CNTN5: variants seen among roughly 807,000 people sequenced by gnomAD.
CNTN5 encodes contactin-5.
Under a neutral mutation model 129.1 loss-of-function variants are expected in CNTN5, and 77 were observed. The observed-to-expected ratio is 0.60, with a 90% CI of 0.50 to 0.72. CNTN5 has a LOEUF of 0.72. CNTN5 is among the 30% of genes least tolerant of loss of function. CNTN5 has a pLI of 0.00. For missense variants in CNTN5, 1,478 were observed against 1,328.8 expected (o/e 1.11, Z -1.75); for synonymous variants, 509 against 465.6 (o/e 1.09, Z -1.20).
At chr11:99,338,590 T>C (rs1866343913) in intron 2 of CNTN5, among the ~76,000 whole-genome samples, 1 of 152,158 alleles carries the variant, frequency 6.6e-6, no homozygotes, top group Non-Finnish European at 1.5e-5. Flanking sequence ...TTAATCTCCC[T>C]GATTCTGTAA....
chr11:99,610,253 G>T (rs1052371850), intron 3 of CNTN5, among the ~76,000 whole-genome samples: 1 of 152,066 alleles, frequency 6.6e-6, no homozygotes, highest in Non-Finnish European at 1.5e-5. Context: ...TTCTATTAAT[G>T]GGTTCTCTAG....
At chr11:99,076,569 T>C (rs1027690684) in intron 1 of CNTN5, among the ~76,000 whole-genome samples, 1 of 152,128 alleles carries the variant, frequency 6.6e-6, no homozygotes, top group African/African-American at 2.4e-5. Flanking sequence ...CAGACTTTAA[T>C]ATTAAAAGAT....
At chr11:99,170,810 G>A (rs1024157897) in intron 1 of CNTN5, among the ~76,000 whole-genome samples, 2 of 152,190 alleles carry the variant, frequency 1.3e-5, no homozygotes, top group African/African-American at 4.8e-5. Context: ...ACACATATAA[G>A]TTCAATTCCT....
rs765985266 is a variant in CNTN5, at chr11:99,679,088, A to G, written c.55+122819A>G. 1.4e-3 allele frequency among the ~76,000 whole-genome samples: 198 copies of G among 144,168 alleles called. 1 individual carries two copies. The highest frequency in any genetic ancestry group is 2.6e-3 in the Non-Finnish European group (170 of 66,652). 94.6% of individuals were successfully genotyped at this position (144,168 alleles called of 152,430 possible). On this transcript the variant is annotated intron_variant, in intron 3 of 24. Coordinates refer to ENST00000524871, the MANE Select transcript of CNTN5 (RefSeq NM_014361.4). The stretch of plus-strand genomic sequence containing the variant: ...TATGTCTTCTATATATAGGAAATAC[A>G]TATACACACATATATAGGAAATATA...
chr11:100,011,283 A>T (rs1940516520), intron 9 of CNTN5, among the ~76,000 whole-genome samples: 1 of 152,126 alleles, frequency 6.6e-6, no homozygotes, highest in South Asian at 2.1e-4. Flanking sequence ...TCCAACAGAA[A>T]CAGAAGTAAA....
chr11:99,384,985 A>G (rs1191337543), intron 2 of CNTN5, among the ~76,000 whole-genome samples: 2 of 152,206 alleles, frequency 1.3e-5, no homozygotes, highest in Non-Finnish European at 2.9e-5. Context: ...ATTGATTAAA[A>G]AATAAAAATC....
At chr11:99,633,583 C>G (rs1951442894) in intron 3 of CNTN5, among the ~76,000 whole-genome samples, 1 of 152,086 alleles carries the variant, frequency 6.6e-6, no homozygotes, top group South Asian at 2.1e-4. Context: ...CAAGCAAGAT[C>G]ATCTACCAGG....
chr11:100,165,880 C>G (rs1181294989), intron 13 of CNTN5, among the ~76,000 whole-genome samples: 1 of 151,704 alleles, frequency 6.6e-6, no homozygotes. Flanking sequence ...GGGGCTCTGA[C>G]AAGTTAAAGA....
chr11:99,771,444 C>T (rs895321314), intron 3 of CNTN5, among the ~76,000 whole-genome samples: 4 of 151,836 alleles, frequency 2.6e-5, no homozygotes, highest in Non-Finnish European at 5.9e-5. Context: ...TATGTATTTA[C>T]ACACAATGAA....
At chr11:99,769,163 C>A (rs945128260) in intron 3 of CNTN5, among the ~76,000 whole-genome samples, 1 of 151,988 alleles carries the variant, frequency 6.6e-6, no homozygotes, top group Admixed American at 6.6e-5. Flanking sequence ...CTGTTGAAAA[C>A]CACTTCAAAC....
intron 14 of CNTN5, 41 bp from the exon 15 acceptor site, chr11:100,193,447 A>G (rs974144541): frequency 1.6e-6 from 2 of 1,257,474 alleles, no homozygotes; most frequent in Middle Eastern, 1.9e-4. Context: ...TGGTAACACA[A>G]CAGGTTGATT....
At chr11:100,060,549 C>A (rs563795955) in intron 9 of CNTN5, among the ~76,000 whole-genome samples, 2 of 151,960 alleles carry the variant, frequency 1.3e-5, no homozygotes, top group South Asian at 2.1e-4. Flanking sequence ...AATTCCTAAC[C>A]CTTTGGTTTG....
At chr11:99,780,757 G>GT (rs1005213335) in intron 3 of CNTN5, among the ~76,000 whole-genome samples, 4 of 151,954 alleles carry the variant, frequency 2.6e-5, no homozygotes, top group Admixed American at 6.6e-5. Flanking sequence ...AAATTGTGTG[G>GT]TTTTTTGTTT....
At chr11:100,309,579 G>A in intron 21 of CNTN5, 2 of 983,112 alleles carry the variant, frequency 2.0e-6, no homozygotes, top group Non-Finnish European at 2.4e-6. Flanking sequence ...TTAATGTGAT[G>A]AATATTTCTG....
chr11:99,103,270 T>C (rs554508617), intron 1 of CNTN5, among the ~76,000 whole-genome samples: 23 of 152,310 alleles, frequency 1.5e-4, no homozygotes, highest in Non-Finnish European at 3.2e-4. Context: ...TTCTGTGTCA[T>C]TGCTTGAATA....
intron 18 of CNTN5, among the ~76,000 whole-genome samples, chr11:100,280,468 AATTT>A: frequency 6.6e-6 from 1 of 152,052 alleles, no homozygotes; most frequent in South Asian, 2.1e-4. Flanking sequence ...TTTGTCTTAA[AATTT>A]ATTTTTTTCT....
intron 13 of CNTN5, among the ~76,000 whole-genome samples, chr11:100,150,996 C>A (rs943251605): frequency 6.6e-6 from 1 of 151,960 alleles, no homozygotes; most frequent in Admixed American, 6.6e-5. Flanking sequence ...AAAAAAGTAA[C>A]CATCTGCAAG....
At chr11:100,035,799 C>G (rs1442200968) in intron 9 of CNTN5, among the ~76,000 whole-genome samples, 1 of 151,810 alleles carries the variant, frequency 6.6e-6, no homozygotes, top group Non-Finnish European at 1.5e-5. Context: ...ATATCCTTTG[C>G]CCACTTTTTG....
intron 1 of CNTN5, among the ~76,000 whole-genome samples, chr11:99,085,560 G>A (rs563156319): frequency 4.4e-4 from 67 of 151,712 alleles, no homozygotes; most frequent in African/African-American, 1.3e-3. Context: ...CATACTTTTT[G>A]GTGCCTTGTA....
Sources: allele counts gnomAD v4.1 joint callset (sites outside exome capture counted in the v4.1 genomes callset), GRCh38; gene constraint gnomAD v4.1.1; transcripts MANE v1.5; gene names NCBI Gene and HGNC (gene_info 2026-07-23, HGNC 2026-07-21).